Variants in EPAS1 observed in about 807,000 individuals in gnomAD.
EPAS1 encodes endothelial PAS domain-containing protein 1.
A neutral mutation model predicts 87.9 loss-of-function variants in EPAS1; 23 were observed. The ratio of observed to expected loss-of-function variants is 0.26; its 90% CI spans 0.19 to 0.37. The LOEUF (loss-of-function observed/expected upper bound fraction) is 0.37, where lower values mean the gene tolerates loss of function less well. Ranked by LOEUF, EPAS1 falls within the 10% of genes least tolerant of loss-of-function variation. EPAS1 has a pLI of 1.00. For missense variants in EPAS1, 1,138 were observed against 1,120.7 expected, an observed-to-expected ratio of 1.02 and a Z score of -0.22; for synonymous variants, 508 against 444.3, an observed-to-expected ratio of 1.14 and a Z score of -1.80.
chr2:46,328,009 G>C (rs1378181118), intron 1 of EPAS1, among the ~76,000 whole-genome samples: 1 of 152,210 alleles, frequency 6.6e-6, no homozygotes, highest in Non-Finnish European at 1.5e-5. Context: ...AGAATTGTCT[G>C]AACTTAGGTT....
chr2:46,368,135 G>T (rs188668732), intron 6 of EPAS1, among the ~76,000 whole-genome samples: 1 of 152,162 alleles, frequency 6.6e-6, no homozygotes, highest in Non-Finnish European at 1.5e-5. Flanking sequence ...TGAGTTCAGG[G>T]GTTGACAGCC....
At chr2:46,327,488 C>A (rs1300861532) in intron 1 of EPAS1, among the ~76,000 whole-genome samples, 1 of 152,122 alleles carries the variant, frequency 6.6e-6, no homozygotes, top group Non-Finnish European at 1.5e-5. Context: ...TAGACAGGAG[C>A]TCAGACTTGT....
At chr2:46,378,804 T>C in intron 11 of EPAS1, 37 bp downstream of exon 11, 1 of 1,543,586 alleles carries the variant, frequency 6.5e-7, no homozygotes, top group Non-Finnish European at 9.0e-7. Context: ...GGTGTGTGCC[T>C]GCTGTCTGGT....
At chr2:46,326,986 A>G (rs1683575967) in intron 1 of EPAS1, among the ~76,000 whole-genome samples, 1 of 152,184 alleles carries the variant, frequency 6.6e-6, no homozygotes, top group South Asian at 2.1e-4. Context: ...TGATTCTTCA[A>G]CTGCAAAATG....
At chr2:46,364,182 G>C (rs1684458153) in intron 6 of EPAS1, among the ~76,000 whole-genome samples, 1 of 152,164 alleles carries the variant, frequency 6.6e-6, no homozygotes, top group Non-Finnish European at 1.5e-5. Flanking sequence ...GGGGTGAGGG[G>C]TTCTCCATTT....
chr2:46,354,487 T>C (rs1170335591), intron 2 of EPAS1, among the ~76,000 whole-genome samples: 5 of 151,772 alleles, frequency 3.3e-5, no homozygotes, highest in African/African-American at 1.2e-4. Flanking sequence ...ACCAAAGGCC[T>C]GGGGCCTAAG....
chr2:46,332,237 C>A (rs996604792), intron 1 of EPAS1, among the ~76,000 whole-genome samples: 1 of 148,506 alleles, frequency 6.7e-6, no homozygotes, highest in East Asian at 2.0e-4. Context: ...TTCCCTGTCA[C>A]CTGTCAGTGT....
At chr2:46,319,720 C>G (rs1238184701) in intron 1 of EPAS1, among the ~76,000 whole-genome samples, 1 of 152,078 alleles carries the variant, frequency 6.6e-6, no homozygotes, top group Admixed American at 6.5e-5. Flanking sequence ...GCGGTATTTG[C>G]TTATTTTCTT....
At chr2:46,327,102 T>TA (rs1683578570) in intron 1 of EPAS1, among the ~76,000 whole-genome samples, 1 of 152,252 alleles carries the variant, frequency 6.6e-6, no homozygotes, top group African/African-American at 2.4e-5. Flanking sequence ...GCTAGTGACT[T>TA]ACAACCTCCA....
At chr2:46,378,565 G>T in intron 10 of EPAS1, 92 bp from the exon 11 acceptor site, 1 of 1,040,832 alleles carries the variant, frequency 9.6e-7, no homozygotes. Flanking sequence ...TTGAACCTTT[G>T]GGTCCAGGAA....
rs139221368 is a variant in EPAS1, at chr2:46,365,408, G to A, written c.779+4318G>A. ...TTGAATAAAGATGCCTACATTCCAA[G>A]TTCTGTGGATAAATTTATGGTGAAT... On this transcript the variant is annotated intron_variant, in intron 6 of 15. Coordinates refer to ENST00000263734, the MANE Select transcript of EPAS1 (RefSeq NM_001430.5). Among the ~76,000 whole-genome samples, 1,248 of 152,296 alleles carry A rather than the reference G, an allele frequency of 8.2e-3. 26 individuals carry two copies. The highest frequency in any genetic ancestry group is 0.028 in the African/African-American group (1,150 of 41,564).
rs886277601 is a variant in EPAS1 at position 46,386,684 on chromosome 2, G to A, written c.*2024G>A. ...ATTTTGACACTGGTATCTTATTAAA[G>A]TATTCTGATCCTACCACTGCTGGTG... On this transcript the variant is annotated 3_prime_UTR_variant, in exon 16 of 16. Coordinates refer to ENST00000263734, the MANE Select transcript of EPAS1 (RefSeq NM_001430.5). 5.9e-5 allele frequency: 9 copies of A among 152,646 alleles called. No homozygotes were observed. Among genetic ancestry groups the A allele is most frequent in the African/African-American group, 2.2e-4 (9 of 41,452 alleles). The allele number at this position is 152,646 out of a possible 1,614,324, so 9.5% of individuals were successfully genotyped here. A position where few individuals can be genotyped will look rare whatever the true frequency, so the allele number is the denominator to read the frequency against.
rs572374778 is a variant in EPAS1, at chr2:46,362,022, G to A, written c.779+932G>A. ...GGAAATGCAGAAGACTGGGCCCAGG[G>A]TAGGCCTGGCTTGAGTAAGCGCCAC... On this transcript the variant is annotated intron_variant, in intron 6 of 15. Coordinates refer to ENST00000263734, the MANE Select transcript of EPAS1 (RefSeq NM_001430.5). Among the ~76,000 whole-genome samples, 5 of 152,342 alleles carry A rather than the reference G, an allele frequency of 3.3e-5. No homozygotes were observed. The East Asian group carries it at 5.8e-4, about 18-fold the overall frequency.
At chr2:46,298,075 A>G in intron 1 of EPAS1, 138 bp downstream of exon 1, 1 of 1,100,116 alleles carries the variant, frequency 9.1e-7, no homozygotes, top group Middle Eastern at 2.9e-4. Context: ...GAGGGCTGTG[A>G]GGGGGAGAGC....
At chr2:46,333,609 G>T (rs1683730618) in intron 1 of EPAS1, among the ~76,000 whole-genome samples, 1 of 152,144 alleles carries the variant, frequency 6.6e-6, no homozygotes, top group South Asian at 2.1e-4. Flanking sequence ...GGGTGGCAGG[G>T]CATAGTGTGG....
rs927443693 is a variant in EPAS1, at chr2:46,347,878, G to A, written c.217+815G>A. 2.0e-5 allele frequency among the ~76,000 whole-genome samples: 3 copies of A among 152,200 alleles called. No homozygotes were observed. The highest frequency in any genetic ancestry group is 4.4e-5 in the Non-Finnish European group (3 of 68,044). ...GGTGTCAGTTCTGTAAGGACGCTGGGCAACGAGTTGTGCTCCTCCCCACCT... is the reference window on the plus strand; with the variant it reads ...GGTGTCAGTTCTGTAAGGACGCTGGACAACGAGTTGTGCTCCTCCCCACCT... On this transcript the variant is annotated intron_variant, in intron 2 of 15. Coordinates refer to ENST00000263734, the MANE Select transcript of EPAS1 (RefSeq NM_001430.5). The surrounding 1 kb of genome is among the most constrained non-coding windows in gnomAD (Gnocchi z 4.2).
At chr2:46,362,330 C>A (rs941025182) in intron 6 of EPAS1, among the ~76,000 whole-genome samples, 4 of 152,228 alleles carry the variant, frequency 2.6e-5, no homozygotes, top group African/African-American at 9.6e-5. Context: ...TGTGCAAGCA[C>A]TTTGAGAAGT....
chr2:46,362,169 GCTCTTTGCCACCCCCAA>G (rs1229632448), intron 6 of EPAS1, among the ~76,000 whole-genome samples: 3 of 152,216 alleles, frequency 2.0e-5, no homozygotes, highest in African/African-American at 7.2e-5. Context: ...TCCTGTGGCA[GCTCTTTGCCACCCCCAA>G]CTCTTTGCCA....
chr2:46,375,831 T>C lies in EPAS1; in HGVS notation c.1028T>C (p.Val343Ala), dbSNP rs1457608275. The stretch of plus-strand genomic sequence containing the variant: ...CAGTGCATCATGTGTGTCAACTACG[T>C]CCTGAGGTAAGCATGTGAGGGCTGG... ...QPQCIMCVNY[V>A]LSEIEKNDVV... is the part of the protein sequence containing the mutation. Residue 343 changes from valine to alanine, a missense_variant, in exon 8 of 16, where the codon GTC becomes GCC. Physicochemically the swap from Val to Ala is moderately conservative, Grantham distance 64. This residue lies in a region of EPAS1 where 284 missense variants were observed against 258.4 expected (regional missense o/e 1.10). Coordinates refer to ENST00000263734, the MANE Select transcript of EPAS1 (RefSeq NM_001430.5). This position sits in a 1 kb window ranked among gnomAD's most constrained non-coding sequence, Gnocchi z 4.1. 6.2e-7 allele frequency: 1 copy of C among 1,614,048 alleles called. No individual in the cohort carries two copies. Among genetic ancestry groups the C allele is most frequent in the Non-Finnish European group, 8.5e-7 (1 of 1,180,040 alleles).
Sources: allele counts gnomAD v4.1 joint callset (sites outside exome capture counted in the v4.1 genomes callset), GRCh38; gene constraint gnomAD v4.1.1; regional missense constraint gnomAD v4.1.1; non-coding constraint Gnocchi (gnomAD v3.1); transcripts MANE v1.5; gene names NCBI Gene and HGNC (gene_info 2026-07-23, HGNC 2026-07-21).